SPATS2L: variants seen among roughly 807,000 people sequenced by gnomAD.
SPATS2L encodes the protein SPATS2-like protein.
In SPATS2L, 30 loss-of-function variants were observed where a neutral mutation model predicts 59.6. That is an observed-to-expected ratio of 0.50 (90% CI 0.38 to 0.68). The LOEUF is 0.68. Ranked by LOEUF, SPATS2L falls within the 30% of genes least tolerant of loss-of-function variation. SPATS2L has a pLI of 0.00. For missense variants in SPATS2L, 615 were observed against 700.0 expected, an observed-to-expected ratio of 0.88 and a Z score of 1.37; for synonymous variants, 252 against 263.5, an observed-to-expected ratio of 0.96 and a Z score of 0.42.
intron 2 of SPATS2L, among the ~76,000 whole-genome samples, chr2:200,364,340 G>A (rs78412932): frequency 0.057 from 8,630 of 152,196 alleles, 493 homozygotes; most frequent in Admixed American, 0.19. Context: ...CTGTGTCACC[G>A]GTTTGTTGTA....
intron 2 of SPATS2L, among the ~76,000 whole-genome samples, chr2:200,367,593 G>A (rs1031578531): frequency 5.9e-5 from 9 of 152,152 alleles, no homozygotes; most frequent in South Asian, 2.1e-4. Flanking sequence ...GTTTGTTTGC[G>A]TGCAGCGTTT....
At chr2:200,467,807 A>G (rs1232813797) in intron 10 of SPATS2L, among the ~76,000 whole-genome samples, 2 of 152,212 alleles carry the variant, frequency 1.3e-5, no homozygotes, top group Non-Finnish European at 2.9e-5. Context: ...ATTAGAAAGC[A>G]TGCGGTCTGT....
At chr2:200,425,329 C>A (rs1162961072) in intron 6 of SPATS2L, among the ~76,000 whole-genome samples, 1 of 152,058 alleles carries the variant, frequency 6.6e-6, no homozygotes, top group African/African-American at 2.4e-5. Context: ...TAGCAAAGAT[C>A]AACAAAAAGA....
At chr2:200,470,457 G>A (rs1158883402) in intron 11 of SPATS2L, among the ~76,000 whole-genome samples, 2 of 152,148 alleles carry the variant, frequency 1.3e-5, no homozygotes, top group African/African-American at 2.4e-5. Context: ...CTCCACCCTC[G>A]GTTCTCTGTG....
In SPATS2L at chr2:200,481,593, C is replaced by G. The variant is rs2087776097; in HGVS notation, c.*3562C>G. On this transcript the variant is annotated 3_prime_UTR_variant, in exon 13 of 13. Coordinates refer to ENST00000409140, the MANE Select transcript of SPATS2L (RefSeq NM_001100423.2). ...ATCCCACGCTGCCTGCTTAAAGCGCCCTCATGTGTCTACAGATGGTAAAAC... is the reference window on the plus strand; with the variant it reads ...ATCCCACGCTGCCTGCTTAAAGCGCGCTCATGTGTCTACAGATGGTAAAAC... The G allele has an allele frequency of 6.6e-6, 1 of 152,284 alleles. No individual in the cohort carries two copies. Among genetic ancestry groups the G allele is most frequent in the African/African-American group, 2.4e-5 (1 of 41,468 alleles). 9.4% of individuals were successfully genotyped at this position (152,284 alleles called of 1,614,324 possible).
intron 2 of SPATS2L, among the ~76,000 whole-genome samples, chr2:200,344,132 A>G (rs2080429292): frequency 1.3e-5 from 2 of 151,988 alleles, no homozygotes. Flanking sequence ...AGGTAAACTC[A>G]TGTCATGGGG....
intron 2 of SPATS2L, among the ~76,000 whole-genome samples, chr2:200,377,807 C>T (rs975670819): frequency 1.3e-5 from 2 of 152,038 alleles, no homozygotes; most frequent in African/African-American, 4.8e-5. Context: ...AGGTGTAGAA[C>T]CAGGAACTGG....
At chr2:200,411,779 T>C (rs117355342) in intron 3 of SPATS2L, among the ~76,000 whole-genome samples, 1 of 152,230 alleles carries the variant, frequency 6.6e-6, no homozygotes, top group Non-Finnish European at 1.5e-5. Context: ...ATAGCTAAGA[T>C]TACCATTTCA....
Position 200,406,456 on chromosome 2 carries a change from G to A in SPATS2L, c.40-5855G>A, listed in dbSNP as rs559398947. Among the ~76,000 whole-genome samples the A allele has an allele frequency of 2.1e-4, 31 of 151,208 alleles. 1 individual carries two copies. In the South Asian group the frequency reaches 6.1e-3, roughly 30 times the overall value. On this transcript the variant is annotated intron_variant, in intron 3 of 12. Coordinates refer to ENST00000409140, the MANE Select transcript of SPATS2L (RefSeq NM_001100423.2). ...GTTATTATTATAAAGGTCTGGCAGC[G>A]TCTCATGAGACTTCAGGAAAAGTTA...
chr2:200,413,803 T>A (rs2082966705), intron 4 of SPATS2L, among the ~76,000 whole-genome samples: 1 of 152,212 alleles, frequency 6.6e-6, no homozygotes. Flanking sequence ...TAGCAAATGA[T>A]TATCATTCAG....
chr2:200,479,319 C>A lies in SPATS2L; in HGVS notation c.*1288C>A, dbSNP rs7585275. ...ACTCAAGTCTATTTTCCACACTGTC[C>A]AGAGGAGAGAAGTTATCCTAGTAGC... On this transcript the variant is annotated 3_prime_UTR_variant, in exon 13 of 13. Transcript: ENST00000409140. The A allele has an allele frequency of 8.0e-5, 30 of 376,092 alleles. No individual in the cohort carries two copies. The highest frequency in any genetic ancestry group is 5.6e-4 in the African/African-American group (27 of 48,332). The allele number at this position is 376,092 out of a possible 1,614,324, so 23.3% of individuals were successfully genotyped here.
rs2082105896 is a variant in SPATS2L at position 200,389,521 on chromosome 2, TAC to T, written c.39+239_39+240del. 1.0e-5 allele frequency: 4 copies of T among 400,856 alleles called. No individual in the cohort carries two copies. In the East Asian group the frequency reaches 1.2e-4, roughly 12 times the overall value. 24.8% of individuals were successfully genotyped at this position (400,856 alleles called of 1,614,324 possible). ...CTTGACCATAACCCCATAAAGAAGA[TAC>T]TGTTGTTATTTCCATTTTACAGAGG... On this transcript the variant is annotated intron_variant, in intron 3 of 12. Transcript: ENST00000409140.
intron 1 of SPATS2L, among the ~76,000 whole-genome samples, chr2:200,323,123 C>T (rs2079618729): frequency 6.6e-6 from 1 of 152,184 alleles, no homozygotes; most frequent in African/African-American, 2.4e-5. Flanking sequence ...TACTATGCAA[C>T]TAGTGAATAG....
rs144675519 is a variant in SPATS2L at position 200,434,038 on chromosome 2, C to T, written c.446-5084C>T. The stretch of plus-strand genomic sequence containing the variant: ...TGTTAATGAATAAAGAAGCAAAAAT[C>T]CTCAACAAAACATTAACAAGTGAAG... On this transcript the variant is annotated intron_variant, in intron 6 of 12. Transcript: ENST00000409140. Among the ~76,000 whole-genome samples the T allele has an allele frequency of 7.2e-3, 1,090 of 151,908 alleles. 8 individuals are homozygous for T. Among genetic ancestry groups the T allele is most frequent in the Non-Finnish European group, 0.012 (810 of 67,876 alleles).
intron 2 of SPATS2L, among the ~76,000 whole-genome samples, chr2:200,368,998 C>T (rs2081343363): frequency 6.6e-6 from 1 of 150,956 alleles, no homozygotes; most frequent in East Asian, 1.9e-4. Context: ...TGTACACATT[C>T]TGTCTTACAC....
intron 7 of SPATS2L, 146 bp from the exon 8 acceptor site, chr2:200,440,503 G>A: frequency 1.3e-6 from 1 of 769,544 alleles, no homozygotes; most frequent in East Asian, 2.8e-5. Context: ...ACCCACACTG[G>A]GTTACAAACA....
At chr2:200,402,467 G>C (rs1217656282) in intron 3 of SPATS2L, among the ~76,000 whole-genome samples, 1 of 151,998 alleles carries the variant, frequency 6.6e-6, no homozygotes, top group Non-Finnish European at 1.5e-5. Context: ...CCTCTTCCTG[G>C]AATGTTCCAC....
chr2:200,474,226 A>G lies in SPATS2L; in HGVS notation c.1281+1174A>G, dbSNP rs2087317211. ...TGACAGGTGTTTTCTCAGGCCCTGA[A>G]GTCTTCATGAGCTTTAAGATAGCAC... On this transcript the variant is annotated intron_variant, in intron 12 of 12. Coordinates refer to ENST00000409140, the MANE Select transcript of SPATS2L (RefSeq NM_001100423.2). 2.0e-5 allele frequency among the ~76,000 whole-genome samples: 3 copies of G among 152,114 alleles called. No individual in the cohort carries two copies. The South Asian group carries it at 6.2e-4, about 32-fold the overall frequency.
At chr2:200,308,818 A>G (rs1262572803) in intron 1 of SPATS2L, 10 of 455,108 alleles carry the variant, frequency 2.2e-5, no homozygotes, top group Admixed American at 1.2e-4. Context: ...CTAAGAATCA[A>G]CTTAGTTTAA....
Sources: gnomAD v4.1 joint callset for allele counts (sites outside exome capture counted in the v4.1 genomes callset) on GRCh38, gnomAD v4.1.1 for gene constraint, MANE v1.5 for transcripts, NCBI Gene and HGNC (gene_info 2026-07-23, HGNC 2026-07-21) for gene names.